Variants in TRAK1 observed in about 807,000 individuals in gnomAD.
TRAK1 encodes trafficking kinesin-binding protein 1.
Under a neutral mutation model 92.1 loss-of-function variants are expected in TRAK1, and 33 were observed. The ratio of observed to expected loss-of-function variants is 0.36; its 90% CI spans 0.27 to 0.48. The LOEUF (loss-of-function observed/expected upper bound fraction) is 0.48. TRAK1 is among the 20% of genes least tolerant of loss of function. The pLI, the probability that TRAK1 is intolerant of heterozygous loss-of-function variation, is 0.99. For synonymous variants in TRAK1, 521 were observed against 517.3 expected, an observed-to-expected ratio of 1.01 and a Z score of -0.10; for missense variants, 1,123 against 1,257.9, an observed-to-expected ratio of 0.89 and a Z score of 1.62.
At chr3:42,078,752 CAAAAAA>C (rs748321736) in intron 1 of TRAK1, among the ~76,000 whole-genome samples, 9 of 49,650 alleles carry the variant, frequency 1.8e-4, no homozygotes, top group African/African-American at 5.7e-4. Flanking sequence ...GATTCCATCT[CAAAAAA>C]AAAAAAAAAA....
At chr3:42,029,442 A>C (rs1000249666) in intron 1 of TRAK1, among the ~76,000 whole-genome samples, 2 of 144,858 alleles carry the variant, frequency 1.4e-5, no homozygotes, top group Non-Finnish European at 3.0e-5. Flanking sequence ...GGGTCTCACT[A>C]TGTTGCCCAG....
chr3:42,040,654 C>G (rs1040476254), intron 1 of TRAK1, among the ~76,000 whole-genome samples: 1 of 150,684 alleles, frequency 6.6e-6, no homozygotes, highest in Non-Finnish European at 1.5e-5. Flanking sequence ...GTTCACTGAT[C>G]TGTATATCCT....
At chr3:42,221,365 G>C (rs1171981537) in intron 15 of TRAK1, among the ~76,000 whole-genome samples, 1 of 152,098 alleles carries the variant, frequency 6.6e-6, no homozygotes, top group African/African-American at 2.4e-5. Flanking sequence ...CCCTGAGCTT[G>C]TGTGAGATGG....
chr3:42,211,279 G>T, intron 14 of TRAK1: 1 of 985,242 alleles, frequency 1.0e-6, no homozygotes, highest in Non-Finnish European at 1.2e-6. Flanking sequence ...TTTTACTTGG[G>T]ATCAACTTTT....
At chr3:42,127,597 AC>A (rs1710759211) in intron 2 of TRAK1, among the ~76,000 whole-genome samples, 1 of 151,976 alleles carries the variant, frequency 6.6e-6, no homozygotes, top group African/African-American at 2.4e-5. Flanking sequence ...CAGGCCTCAA[AC>A]AATCCTCCTG....
intron 1 of TRAK1, among the ~76,000 whole-genome samples, chr3:42,061,808 A>T (rs981578174): frequency 1.3e-5 from 2 of 152,182 alleles, no homozygotes; most frequent in African/African-American, 4.8e-5. Context: ...CCATCTACCC[A>T]TCTGCATGGA....
intron 1 of TRAK1, among the ~76,000 whole-genome samples, chr3:42,068,324 C>T (rs903396160): frequency 1.1e-4 from 17 of 152,070 alleles, no homozygotes; most frequent in African/African-American, 4.1e-4. Context: ...GTCCAGCTAA[C>T]TTTTTTTCTT....
chr3:42,193,219 G>C lies in TRAK1; in HGVS notation c.900+14G>C, dbSNP rs1477292590. ...AAGGCAAAAGCTGTAAGGCTTCTCT[G>C]TTTATCTGGCTGATACAACAATGGC... On this transcript the variant is annotated intron_variant, in intron 8 of 15. Coordinates refer to ENST00000327628, the MANE Select transcript of TRAK1 (RefSeq NM_001042646.3). 3 of 1,613,414 alleles carry C rather than the reference G, an allele frequency of 1.9e-6. No individual in the cohort carries two copies. Among genetic ancestry groups the C allele is most frequent in the Admixed American group, 3.3e-5 (2 of 59,940 alleles).
intron 1 of TRAK1, among the ~76,000 whole-genome samples, chr3:42,043,905 T>A (rs1324306652): frequency 2.6e-5 from 4 of 152,284 alleles, no homozygotes; most frequent in African/African-American, 9.6e-5. Flanking sequence ...ACCTTTTTTT[T>A]TAAAATTACT....
intron 13 of TRAK1, chr3:42,203,400 G>A (rs1464661914): frequency 1.0e-6 from 1 of 985,286 alleles, no homozygotes; most frequent in African/African-American, 1.8e-5. Flanking sequence ...CCTTTTTCAG[G>A]GTCAGTTCAT....
chr3:42,181,178 C>A (rs1015804251), intron 3 of TRAK1, among the ~76,000 whole-genome samples: 2 of 152,218 alleles, frequency 1.3e-5, no homozygotes, highest in Admixed American at 6.5e-5. Flanking sequence ...TCTGGCAGTC[C>A]CTTGCCATGC....
chr3:42,201,119 C>T (rs554274856), intron 12 of TRAK1, 65 bp downstream of exon 12: 238 of 1,516,838 alleles, frequency 1.6e-4, no homozygotes, highest in Non-Finnish European at 2.0e-4. Flanking sequence ...GGATTGTCTG[C>T]AGGCTCAGTA....
intron 1 of TRAK1, among the ~76,000 whole-genome samples, chr3:42,052,527 T>C (rs915336883): frequency 6.6e-6 from 1 of 152,210 alleles, no homozygotes; most frequent in African/African-American, 2.4e-5. Context: ...AGGCCTCTTA[T>C]GCTATTGTTG....
chr3:42,054,935 T>G (rs1453448266), intron 1 of TRAK1, among the ~76,000 whole-genome samples: 3 of 126,262 alleles, frequency 2.4e-5, no homozygotes, highest in Non-Finnish European at 3.1e-5. Flanking sequence ...TTTTTTTTTT[T>G]TTTGAGACAG....
At chr3:42,049,035 C>T (rs1247588168) in intron 1 of TRAK1, among the ~76,000 whole-genome samples, 1 of 151,936 alleles carries the variant, frequency 6.6e-6, no homozygotes, top group African/African-American at 2.4e-5. Flanking sequence ...TTACAGGTGC[C>T]CACCATCATG....
intron 1 of TRAK1, among the ~76,000 whole-genome samples, chr3:42,067,751 C>T (rs1420399598): frequency 6.6e-6 from 1 of 152,132 alleles, no homozygotes; most frequent in Non-Finnish European, 1.5e-5. Context: ...AGTGAATATC[C>T]ATTGTGCTTT....
intron 6 of TRAK1, among the ~76,000 whole-genome samples, chr3:42,190,980 T>C (rs578148366): frequency 3.3e-5 from 5 of 152,290 alleles, no homozygotes; most frequent in African/African-American, 7.2e-5. Flanking sequence ...CCCACCCTTT[T>C]CAGCCAGGGC....
intron 1 of TRAK1, among the ~76,000 whole-genome samples, chr3:42,109,923 T>A (rs541984370): frequency 2.0e-3 from 304 of 150,218 alleles, no homozygotes; most frequent in African/African-American, 7.1e-3. Flanking sequence ...GGACACAGGA[T>A]GGGGAACATC....
chr3:42,205,035 A>T (rs1708165972), intron 13 of TRAK1, among the ~76,000 whole-genome samples: 2 of 152,140 alleles, frequency 1.3e-5, no homozygotes, highest in Admixed American at 1.3e-4. Context: ...ACATTAGATA[A>T]ATCACCCCAC....
Sources: allele counts gnomAD v4.1 joint callset (sites outside exome capture counted in the v4.1 genomes callset), GRCh38; gene constraint gnomAD v4.1.1; transcripts MANE v1.5; gene names NCBI Gene and HGNC (gene_info 2026-07-23, HGNC 2026-07-21).